Variants in RGL1 observed in about 807,000 individuals in gnomAD.
The protein encoded by RGL1 is ral guanine nucleotide dissociation stimulator like 1, also known as ral guanine nucleotide dissociation stimulator-like 1.
RGL1 carries 24 observed loss-of-function variants against 95.2 expected under a neutral mutation model. The ratio of observed to expected loss-of-function variants is 0.25; its 90% CI spans 0.18 to 0.35. RGL1 has a LOEUF of 0.35. RGL1 is among the 10% of genes least tolerant of loss of function. The probability of loss-of-function intolerance (pLI) is 1.00; values close to 1 mark genes in which losing one functional copy is unlikely to be tolerated. For missense variants in RGL1, 715 were observed against 936.3 expected (o/e 0.76, Z 3.08); for synonymous variants, 329 against 344.9 (o/e 0.95, Z 0.51).
At chr1:183,772,911 A>G (rs1174281735) in intron 2 of RGL1, among the ~76,000 whole-genome samples, 1 of 148,358 alleles carries the variant, frequency 6.7e-6, no homozygotes, top group Admixed American at 6.8e-5. Context: ...GGGGAGGCTG[A>G]GGCAGGAGAA....
intron 1 of RGL1, among the ~76,000 whole-genome samples, chr1:183,676,583 C>G (rs149775467): frequency 2.6e-3 from 393 of 151,726 alleles, no homozygotes; most frequent in Middle Eastern, 6.8e-3. Flanking sequence ...CTAACTGAAA[C>G]AGGGGCAAGT....
intron 2 of RGL1, among the ~76,000 whole-genome samples, chr1:183,818,683 G>A (rs985915604): frequency 1.3e-5 from 2 of 152,178 alleles, no homozygotes; most frequent in African/African-American, 2.4e-5. Context: ...CGTAACCTGG[G>A]ACAGTGTTTG....
At chr1:183,900,046 G>T in intron 10 of RGL1, 104 bp from the exon 11 acceptor site, 1 of 775,128 alleles carries the variant, frequency 1.3e-6, no homozygotes, top group Non-Finnish European at 2.2e-6. Context: ...CCACTGGCCC[G>T]CAGTTAGGCC....
rs146379167 is a variant in RGL1 at position 183,893,415 on chromosome 1, T to G, written c.1140+1254T>G. Among the ~76,000 whole-genome samples the G allele has an allele frequency of 7.0e-3, 1,069 of 152,338 alleles. 15 individuals are homozygous for G. The highest frequency in any genetic ancestry group is 0.021 in the African/African-American group (885 of 41,582). On this transcript the variant is annotated intron_variant, in intron 9 of 17. Transcript: ENST00000360851. ...AATACTTGAAAGTGCTATGCAAATG[T>G]AAGTTATTTTTTGTATTTGGTGAGC...
At chr1:183,659,223 T>C (rs1209828307) in intron 1 of RGL1, among the ~76,000 whole-genome samples, 2 of 152,252 alleles carry the variant, frequency 1.3e-5, no homozygotes, top group East Asian at 1.9e-4. Context: ...CTTTGACGAA[T>C]TGAGAGAAGA....
intron 1 of RGL1, among the ~76,000 whole-genome samples, chr1:183,740,809 A>G (rs973442596): frequency 6.6e-6 from 1 of 152,224 alleles, no homozygotes; most frequent in Admixed American, 6.5e-5. Context: ...ATGGATTGTC[A>G]TGATTTACTA....
At chr1:183,925,330 G>C (rs1274718053) in intron 17 of RGL1, among the ~76,000 whole-genome samples, 1 of 152,132 alleles carries the variant, frequency 6.6e-6, no homozygotes. Context: ...ACTGGGGCCT[G>C]TCAGGGGGTT....
At chr1:183,784,224 T>C (rs903811026) in intron 2 of RGL1, among the ~76,000 whole-genome samples, 5 of 152,118 alleles carry the variant, frequency 3.3e-5, no homozygotes, top group African/African-American at 1.2e-4. Flanking sequence ...TGGCGATAGA[T>C]GACAAGCGGT....
chr1:183,769,935 T>C (rs1461589074), intron 2 of RGL1, among the ~76,000 whole-genome samples: 1 of 152,178 alleles, frequency 6.6e-6, no homozygotes, highest in Non-Finnish European at 1.5e-5. Context: ...AACATCAAAA[T>C]GAGGCCCATG....
At chr1:183,831,517 A>G (rs148453791) in intron 2 of RGL1, among the ~76,000 whole-genome samples, 1 of 152,326 alleles carries the variant, frequency 6.6e-6, no homozygotes, top group African/African-American at 2.4e-5. Flanking sequence ...TGTTTTTAAA[A>G]GATCACCATG....
intron 1 of RGL1, among the ~76,000 whole-genome samples, chr1:183,650,043 G>C (rs960005360): frequency 5.9e-5 from 9 of 152,040 alleles, no homozygotes; most frequent in Non-Finnish European, 1.0e-4. Context: ...GAACTCCTGG[G>C]CTCAAGTGAT....
intron 9 of RGL1, among the ~76,000 whole-genome samples, chr1:183,896,751 T>C (rs560223903): frequency 6.6e-6 from 1 of 152,312 alleles, no homozygotes; most frequent in South Asian, 2.1e-4. Context: ...AAGCACTTAA[T>C]GTTCAGTCAG....
At chr1:183,819,817 T>C (rs1662337009) in intron 2 of RGL1, among the ~76,000 whole-genome samples, 1 of 151,828 alleles carries the variant, frequency 6.6e-6, no homozygotes, top group Non-Finnish European at 1.5e-5. Context: ...CAGGGTCTTG[T>C]TCTGTCGCCC....
intron 16 of RGL1, among the ~76,000 whole-genome samples, chr1:183,919,750 A>G (rs1434157562): frequency 6.6e-6 from 1 of 152,206 alleles, no homozygotes; most frequent in Admixed American, 6.5e-5. Context: ...CAGTCTCCCA[A>G]GATCCCTTAC....
At chr1:183,636,373 C>CAAGA in exon 1 of RGL1, 1 of 392,594 alleles carries the variant, frequency 2.5e-6, no homozygotes, top group East Asian at 3.6e-5. Context: ...AGCAGGAAGC[C>CAAGA]CGTTTCCTGG....
intron 7 of RGL1, among the ~76,000 whole-genome samples, chr1:183,888,189 C>T (rs1296344991): frequency 6.6e-6 from 1 of 152,078 alleles, no homozygotes; most frequent in Non-Finnish European, 1.5e-5. Flanking sequence ...AGACTTACCT[C>T]CATTAGTGTT....
intron 3 of RGL1, among the ~76,000 whole-genome samples, chr1:183,863,173 G>A (rs1665614317): frequency 6.6e-6 from 1 of 152,080 alleles, no homozygotes; most frequent in African/African-American, 2.4e-5. Context: ...AGGGAGTAAG[G>A]GCTGAGGAAT....
chr1:183,912,789 C>T (rs528969550), intron 15 of RGL1, among the ~76,000 whole-genome samples: 2 of 152,196 alleles, frequency 1.3e-5, no homozygotes, highest in South Asian at 2.1e-4. Context: ...GTTGGAGTAA[C>T]GGGCTACCCA....
At chr1:183,824,864 G>C (rs1018133180) in intron 2 of RGL1, among the ~76,000 whole-genome samples, 1 of 141,574 alleles carries the variant, frequency 7.1e-6, no homozygotes, top group Non-Finnish European at 1.5e-5. Flanking sequence ...CCTAATGTTT[G>C]GGATACATGT....
Sources: allele counts gnomAD v4.1 joint callset (sites outside exome capture counted in the v4.1 genomes callset), GRCh38; gene constraint gnomAD v4.1.1; transcripts MANE v1.5; gene names NCBI Gene and HGNC (gene_info 2026-07-23, HGNC 2026-07-21).